The following RIC8B variants were observed in gnomAD, a reference collection of about 807,000 sequenced individuals.
RIC8B encodes chaperone Ric-8B.
RIC8B carries 16 observed loss-of-function variants against 57.5 expected under a neutral mutation model. That is an observed-to-expected ratio of 0.28 (90% CI 0.19 to 0.42). The LOEUF is 0.42. RIC8B is among the 10% of genes least tolerant of loss of function. The probability of loss-of-function intolerance (pLI) is 1.00; values close to 1 mark genes in which losing one functional copy is unlikely to be tolerated. For missense variants in RIC8B, 481 were observed against 677.0 expected, an observed-to-expected ratio of 0.71 and a Z score of 3.21; for synonymous variants, 216 against 250.8, an observed-to-expected ratio of 0.86 and a Z score of 1.31.
chr12:106,869,562 T>G (rs938858528), intron 8 of RIC8B, among the ~76,000 whole-genome samples: 1 of 152,206 alleles, frequency 6.6e-6, no homozygotes, highest in Admixed American at 6.5e-5. Flanking sequence ...AAGGCGTGGC[T>G]TCTGAAAGCG....
intron 4 of RIC8B, among the ~76,000 whole-genome samples, chr12:106,841,282 A>AT (rs1199376071): frequency 6.6e-6 from 1 of 151,998 alleles, no homozygotes; most frequent in East Asian, 1.9e-4. Context: ...CTCTTGATTC[A>AT]TTTTTTTGAT....
chr12:106,884,720 G>A (rs1306842512), intron 9 of RIC8B, among the ~76,000 whole-genome samples: 12 of 152,282 alleles, frequency 7.9e-5, no homozygotes, highest in Non-Finnish European at 1.3e-4. Flanking sequence ...TTAGGCTCCT[G>A]TTGGCTTATC....
At chr12:106,802,913 A>T (rs2044802367) in intron 2 of RIC8B, among the ~76,000 whole-genome samples, 1 of 151,818 alleles carries the variant, frequency 6.6e-6, no homozygotes, top group Non-Finnish European at 1.5e-5. Flanking sequence ...ATATCAGTTT[A>T]AAAAAAATGA....
At chr12:106,839,335 A>C (rs1196925883) in intron 4 of RIC8B, among the ~76,000 whole-genome samples, 5 of 152,230 alleles carry the variant, frequency 3.3e-5, no homozygotes, top group Admixed American at 2.0e-4. Context: ...CACAGAGCAG[A>C]ATCAGTAGAG....
At chr12:106,854,041 G>A (rs115415744) in intron 7 of RIC8B, among the ~76,000 whole-genome samples, 2,166 of 152,254 alleles carry the variant, frequency 0.014, 58 homozygotes, top group African/African-American at 0.05. Flanking sequence ...CACTGTTGGG[G>A]AGACAATTGG....
At position 106,784,063 on chromosome 12, in the gene RIC8B, C is replaced by G; in HGVS notation, c.132+19C>G. 2.5e-6 allele frequency: 4 copies of G among 1,609,960 alleles called. No homozygotes were observed. Among genetic ancestry groups the G allele is most frequent in the Non-Finnish European group, 3.4e-6 (4 of 1,176,650 alleles). On this transcript the variant is annotated intron_variant, in intron 2 of 9. Transcript: ENST00000392837. ...AAGAAAGGTAAGCCTTGGTGTTGCT[C>G]TGTGAATGTTTATGTGTGTGTGTAT...
intron 2 of RIC8B, among the ~76,000 whole-genome samples, chr12:106,801,811 C>T (rs1593137169): frequency 6.6e-6 from 1 of 152,140 alleles, no homozygotes; most frequent in African/African-American, 2.4e-5. Flanking sequence ...TGAATAGGTC[C>T]GTCTTGTGGA....
intron 2 of RIC8B, among the ~76,000 whole-genome samples, chr12:106,788,310 G>A (rs1353980581): frequency 3.3e-5 from 5 of 152,210 alleles, no homozygotes; most frequent in Non-Finnish European, 7.3e-5. Context: ...ACAGGCTGGT[G>A]TTCAGTGTCT....
chr12:106,786,141 ATTTTTTTTTTT>A (rs893618675), intron 2 of RIC8B, among the ~76,000 whole-genome samples: 26 of 73,926 alleles, frequency 3.5e-4, no homozygotes, highest in African/African-American at 1.2e-3. Context: ...CCCAAGGTGT[ATTTTTTTTTTT>A]TTTTTTTTTT....
At chr12:106,845,444 A>T (rs1428619028) in intron 6 of RIC8B, among the ~76,000 whole-genome samples, 1 of 152,100 alleles carries the variant, frequency 6.6e-6, no homozygotes, top group Non-Finnish European at 1.5e-5. Flanking sequence ...TGCATCTGCT[A>T]TCTGTCTGCA....
intron 9 of RIC8B, chr12:106,871,471 T>TAAAAAAAAAAAAAAAAA (rs1387727022): frequency 3.2e-5 from 1 of 30,918 alleles, no homozygotes; most frequent in African/African-American, 1.3e-4. Context: ...TTAGGAGTTC[T>TAAAAAAAAAAAAAAAAA]AAAAAAAAAA....
At chr12:106,823,572 TA>T (rs2045953898) in intron 3 of RIC8B, 1 of 378,876 alleles carries the variant, frequency 2.6e-6, no homozygotes, top group African/African-American at 2.1e-5. Context: ...AAGGAAAATA[TA>T]ATTTAAAGGG....
intron 9 of RIC8B, among the ~76,000 whole-genome samples, chr12:106,882,426 C>T (rs567796301): frequency 6.6e-6 from 1 of 152,298 alleles, no homozygotes; most frequent in South Asian, 2.1e-4. Context: ...CACTATACCA[C>T]AATAACAACG....
chr12:106,837,361 C>CA (rs921368550), intron 4 of RIC8B, among the ~76,000 whole-genome samples: 76 of 142,714 alleles, frequency 5.3e-4, no homozygotes, highest in Middle Eastern at 3.5e-3. Flanking sequence ...GACTGTTTCT[C>CA]AAAAAAAAAA....
chr12:106,862,811 T>C (rs1373641222), intron 8 of RIC8B, among the ~76,000 whole-genome samples: 1 of 152,150 alleles, frequency 6.6e-6, no homozygotes, highest in East Asian at 1.9e-4. Context: ...GAGCTTACAT[T>C]CAGGCTATGG....
At chr12:106,787,821 G>A (rs1024799256) in intron 2 of RIC8B, among the ~76,000 whole-genome samples, 1 of 152,116 alleles carries the variant, frequency 6.6e-6, no homozygotes, top group Non-Finnish European at 1.5e-5. Flanking sequence ...TCAAGATGAG[G>A]TTTGGGTGAG....
At chr12:106,823,889 T>G (rs1437737066) in intron 3 of RIC8B, among the ~76,000 whole-genome samples, 2 of 152,192 alleles carry the variant, frequency 1.3e-5, no homozygotes, top group African/African-American at 4.8e-5. Context: ...TTTCACCATG[T>G]TGGCCAGGCT....
In RIC8B at chr12:106,782,494, A is replaced by T. The variant is rs376102641; in HGVS notation, c.85-1503A>T. ...TAATCTGGCCTGTGAGCTACCGCCC[A>T]AAATGTTCTACCAGAATGCTGGTCT... On this transcript the variant is annotated intron_variant, in intron 1 of 9. Coordinates refer to ENST00000392837, the MANE Select transcript of RIC8B (RefSeq NM_001330145.2). Among the ~76,000 whole-genome samples the T allele has an allele frequency of 1.4e-4, 22 of 152,292 alleles. No homozygotes were observed. In the East Asian group the frequency reaches 2.3e-3, roughly 16 times the overall value.
intron 4 of RIC8B, among the ~76,000 whole-genome samples, chr12:106,826,275 G>A (rs925894391): frequency 1.3e-5 from 2 of 152,168 alleles, no homozygotes; most frequent in African/African-American, 4.8e-5. Context: ...CAATTTCTCT[G>A]AGATTATACA....
Sources: allele counts gnomAD v4.1 joint callset (sites outside exome capture counted in the v4.1 genomes callset), GRCh38; gene constraint gnomAD v4.1.1; transcripts MANE v1.5; gene names NCBI Gene and HGNC (gene_info 2026-07-23, HGNC 2026-07-21).